The following RFC5 variants were observed in gnomAD, a reference collection of about 807,000 sequenced individuals.
The protein encoded by RFC5 is A1 36 kDa subunit.
RFC5 carries 26 observed loss-of-function variants against 44.3 expected under a neutral mutation model. That is an observed-to-expected ratio of 0.59 (90% CI 0.43 to 0.81). The LOEUF is 0.81. Among genes scored for constraint, RFC5 ranks in the 40% least tolerant of loss-of-function variants. The pLI is 0.00. For missense variants in RFC5, 328 were observed against 418.6 expected (o/e 0.78, Z 1.89); for synonymous variants, 155 against 155.2 (o/e 1.00, Z 0.01).
intron 5 of RFC5, among the ~76,000 whole-genome samples, chr12:118,023,135 C>T (rs1392908310): frequency 2.6e-5 from 4 of 151,864 alleles, no homozygotes; most frequent in African/African-American, 9.7e-5. Context: ...ACCACAATGG[C>T]TAGGAAAAGC....
In RFC5 at chr12:118,019,099, G is replaced by A; in HGVS notation, c.93G>A (p.Leu31=). The A allele has an allele frequency of 1.2e-6, 2 of 1,612,888 alleles. No individual in the cohort carries two copies. Among genetic ancestry groups the A allele is most frequent in the Non-Finnish European group, 1.7e-6 (2 of 1,178,940 alleles). ...TTGAAAAATACCGGCCACAGACCCT[G>A]AATGATCTCATTTCTCATCAGGACA... ...PWVEKYRPQT[L]NDLISHQDIL... The change falls in exon 2 of 11, where the codon CTG becomes CTA. Residue 31 remains leucine (L), a synonymous_variant. Transcript: ENST00000454402. The surrounding 1 kb of genome is among the most constrained non-coding windows in gnomAD (Gnocchi z 4.2).
At chr12:118,027,620 C>T (rs1433433557) in intron 8 of RFC5, among the ~76,000 whole-genome samples, 4 of 150,388 alleles carry the variant, frequency 2.7e-5, no homozygotes, top group Admixed American at 2.0e-4. Flanking sequence ...TGCAGTGAGC[C>T]GAGGTCATGC....
intron 10 of RFC5, 25 bp from the exon 11 acceptor site, chr12:118,031,156 CT>C (rs772364242): frequency 9.0e-6 from 14 of 1,554,596 alleles, no homozygotes; most frequent in Non-Finnish European, 1.2e-5. Context: ...TGTCTTTTTT[CT>C]TACCCTGTGT....
At chr12:118,036,273 T>C, downstream of RFC5, 4 of 1,549,874 alleles carry the variant, frequency 2.6e-6, no homozygotes, top group Non-Finnish European at 3.5e-6. Flanking sequence ...GAGACATGTC[T>C]AATCCCAGGC....
At chr12:118,021,774 T>C (rs1275148492) in intron 4 of RFC5, among the ~76,000 whole-genome samples, 2 of 151,580 alleles carry the variant, frequency 1.3e-5, no homozygotes, top group Admixed American at 6.6e-5. Context: ...ATGGCCAACA[T>C]AGTGAAACCT....
At chr12:118,034,117 T>C, downstream of RFC5, 1 of 1,559,506 alleles carries the variant, frequency 6.4e-7, no homozygotes, top group Non-Finnish European at 8.8e-7. Flanking sequence ...CAAGACCAGA[T>C]GTTTGGCCCA....
In RFC5 at chr12:118,019,136, AG is replaced by A. The variant is rs1218899755; in HGVS notation, c.130+1del. 6.2e-7 allele frequency: 1 copy of A among 1,609,946 alleles called. No homozygotes were observed. Among genetic ancestry groups the A allele is most frequent in the African/African-American group, 1.3e-5 (1 of 75,008 alleles). ...TTCTCATCAGGACATTCTGAGTACC[AG>A]TAAGTATTCATGTGTCAGTTGCTCT... On this transcript the variant is annotated splice_donor_variant, in intron 2 of 10. Coordinates refer to ENST00000454402, the MANE Select transcript of RFC5 (RefSeq NM_007370.7). LOFTEE classifies it high-confidence loss of function. This position sits in a 1 kb window ranked among gnomAD's most constrained non-coding sequence, Gnocchi z 4.2.
intron 5 of RFC5, among the ~76,000 whole-genome samples, chr12:118,023,015 G>T (rs1042249927): frequency 3.3e-5 from 5 of 152,132 alleles, no homozygotes; most frequent in Admixed American, 2.0e-4. Flanking sequence ...TCAGAGTTGG[G>T]AATTCATATC....
At position 118,022,276 on chromosome 12, in the gene RFC5, G is replaced by A; in HGVS notation, c.348-10G>A. ...AAGAAATCTTTAGACAGCACCATTTGTTTTTCTAGGAAAGGCTTTAAGCTA... is the reference window on the plus strand; with the variant it reads ...AAGAAATCTTTAGACAGCACCATTTATTTTTCTAGGAAAGGCTTTAAGCTA... On this transcript the variant is annotated splice_polypyrimidine_tract_variant and intron_variant, in intron 4 of 10. Transcript: ENST00000454402. 1 of 1,610,246 alleles carries A rather than the reference G, an allele frequency of 6.2e-7. No homozygotes were observed. Among genetic ancestry groups the A allele is most frequent in the Non-Finnish European group, 8.5e-7 (1 of 1,176,526 alleles).
At chr12:118,033,942 TAACTG>T (rs1225467464), downstream of RFC5, 3 of 489,598 alleles carry the variant, frequency 6.1e-6, no homozygotes, top group African/African-American at 5.8e-5. Context: ...TTGCTGTTCA[TAACTG>T]GACTGAAAAT....
At chr12:118,035,678 A>G, downstream of RFC5, 1 of 196,582 alleles carries the variant, frequency 5.1e-6, no homozygotes, top group Non-Finnish European at 1.0e-5. Flanking sequence ...AACAGACACA[A>G]AAGGAAAAAG....
chr12:118,021,207 G>T (rs980111460), intron 4 of RFC5, among the ~76,000 whole-genome samples: 15 of 147,014 alleles, frequency 1.0e-4, no homozygotes, highest in African/African-American at 3.5e-4. Context: ...TAGCAAGTTT[G>T]TTTTTTTTTT....
intron 4 of RFC5, 28 bp from the exon 5 acceptor site, chr12:118,022,258 C>T (rs369639120): frequency 6.1e-4 from 958 of 1,581,004 alleles, no homozygotes; most frequent in Non-Finnish European, 8.0e-4. Flanking sequence ...TTGAAGAAAT[C>T]TTTAGACAGC....
downstream of RFC5, chr12:118,036,468 G>T (rs761490694): frequency 6.2e-7 from 1 of 1,614,176 alleles, no homozygotes; most frequent in Non-Finnish European, 8.5e-7. Flanking sequence ...TGGCCCTCTA[G>T]CTTCCGAATT....
Position 118,031,769 on chromosome 12 carries a change from A to T in RFC5, c.*491A>T, listed in dbSNP as rs141028190. On this transcript the variant is annotated 3_prime_UTR_variant, in exon 11 of 11. Transcript: ENST00000454402. ...GTCTGGCCGAAACTATTATACTTTT[A>T]TAAGATGAGCTGAATCCTCTTACTT... 6.6e-6 allele frequency: 1 copy of T among 152,258 alleles called. No individual in the cohort carries two copies. The highest frequency in any genetic ancestry group is 2.1e-4 in the South Asian group (1 of 4,838). The allele number at this position is 152,258 out of a possible 1,614,324, so 9.4% of individuals were successfully genotyped here.
chr12:118,037,786 G>A (rs1246322509), downstream of RFC5: 2 of 152,768 alleles, frequency 1.3e-5, no homozygotes, highest in African/African-American at 4.8e-5. Flanking sequence ...GTCACAGCAA[G>A]TGACTCAACG....
chr12:118,041,293 A>G, the RFC5 span, among the ~76,000 whole-genome samples: 1 of 152,156 alleles, frequency 6.6e-6, no homozygotes, highest in African/African-American at 2.4e-5. Context: ...AAGAGACATG[A>G]AAGAGAGAGA....
downstream of RFC5, chr12:118,035,305 C>G (rs781441613): frequency 1.2e-6 from 2 of 1,614,092 alleles, no homozygotes; most frequent in Non-Finnish European, 1.7e-6. Flanking sequence ...TCATCCATGG[C>G]GGGGTCAACC....
chr12:118,027,413 C>T (rs1297326514), intron 8 of RFC5: 4 of 174,038 alleles, frequency 2.3e-5, no homozygotes, highest in Non-Finnish European at 4.8e-5. Context: ...TGGCTCATGC[C>T]TATAATCCCA....
Sources: allele counts gnomAD v4.1 joint callset (sites outside exome capture counted in the v4.1 genomes callset), GRCh38; gene constraint gnomAD v4.1.1; non-coding constraint Gnocchi (gnomAD v3.1); transcripts MANE v1.5; gene names NCBI Gene and HGNC (gene_info 2026-07-23, HGNC 2026-07-21).